The following NUP210L variants were observed in gnomAD, a reference collection of about 807,000 sequenced individuals.
The protein encoded by NUP210L is nucleoporin 210 like.
NUP210L carries 74 observed loss-of-function variants against 208.5 expected under a neutral mutation model. That is an observed-to-expected ratio of 0.35 (90% CI 0.29 to 0.43). The LOEUF is 0.43. Among genes scored for constraint, NUP210L ranks in the 20% least tolerant of loss-of-function variants. The probability of loss-of-function intolerance (pLI) is 1.00; values close to 1 mark genes in which losing one functional copy is unlikely to be tolerated. For missense variants in NUP210L, 1,843 were observed against 2,289.4 expected, an observed-to-expected ratio of 0.81 and a Z score of 3.98; for synonymous variants, 780 against 816.9, an observed-to-expected ratio of 0.95 and a Z score of 0.77.
At chr1:154,126,507 T>C (rs1657988505) in intron 9 of NUP210L, 44 bp from the exon 10 acceptor site, 1 of 1,546,616 alleles carries the variant, frequency 6.5e-7, no homozygotes, top group East Asian at 2.3e-5. Context: ...AGATATGTTC[T>C]TTCCCTGAAG....
rs755830745 is a variant in NUP210L, at chr1:154,008,491, G to T, written c.4930+1481C>A. ...TGGGATGCTGAGGCAGGCGGATCAC[G>T]AGGTCAGGAGTTCGAGACCAGCCTG... On this transcript the variant is annotated intron_variant, in intron 35 of 39. Transcript: ENST00000368559. Among the ~76,000 whole-genome samples the T allele has an allele frequency of 1.4e-4, 22 of 152,086 alleles. 1 individual carries two copies. Among genetic ancestry groups the T allele is most frequent in the Admixed American group, 1.4e-3 (22 of 15,248 alleles).
At chr1:154,096,690 T>C (rs754769685) in intron 14 of NUP210L, among the ~76,000 whole-genome samples, 1 of 148,856 alleles carries the variant, frequency 6.7e-6, no homozygotes, top group Non-Finnish European at 1.5e-5. Flanking sequence ...GAGGCAGAGG[T>C]TGCAGTGAAC....
chr1:154,127,341 A>G (rs1327788106), exon 9 of NUP210L: 2 of 1,600,850 alleles, frequency 1.2e-6, no homozygotes, highest in East Asian at 2.2e-5. Flanking sequence ...TGCTGCTTTT[A>G]TCAAAGACGT....
At chr1:154,150,258 C>T (rs1558012139) in intron 2 of NUP210L, among the ~76,000 whole-genome samples, 1 of 152,156 alleles carries the variant, frequency 6.6e-6, no homozygotes, top group Non-Finnish European at 1.5e-5. Context: ...TCTGTAATCC[C>T]AGCTACTCGG....
intron 34 of NUP210L, among the ~76,000 whole-genome samples, chr1:154,011,601 G>A (rs949945210): frequency 1.4e-5 from 2 of 147,222 alleles, no homozygotes; most frequent in African/African-American, 5.0e-5. Flanking sequence ...GGCCTCAAGC[G>A]ATCCTCCCAC....
At chr1:153,997,183 C>T (rs539863551) in intron 37 of NUP210L, among the ~76,000 whole-genome samples, 44 of 151,742 alleles carry the variant, frequency 2.9e-4, no homozygotes, top group African/African-American at 9.7e-4. Flanking sequence ...AGGATGGTCT[C>T]GAACTCCTCA....
intron 19 of NUP210L, 110 bp from the exon 20 acceptor site, chr1:154,060,751 G>A: frequency 1.2e-6 from 1 of 823,014 alleles, no homozygotes; most frequent in South Asian, 1.7e-5. Context: ...AGATTAAAGT[G>A]AATAGACAAA....
rs554864802 is a variant in NUP210L, at chr1:154,036,100, T to G, written c.3697-6046A>C. Among the ~76,000 whole-genome samples the G allele has an allele frequency of 7.2e-5, 11 of 152,242 alleles. No individual in the cohort carries two copies. In the South Asian group the frequency reaches 2.3e-3, roughly 31 times the overall value. ...GTTTTGTTGTGTTTCCATTTTCATT[T>G]GTTTCAAGAAATTTAAATTCTTAAT... On this transcript the variant is annotated intron_variant, in intron 27 of 39. Transcript: ENST00000368559.
At chr1:154,095,037 C>T (rs1050732640) in exon 15 of NUP210L, 10 of 1,613,984 alleles carry the variant, frequency 6.2e-6, no homozygotes, top group African/African-American at 5.3e-5. Context: ...CTGTCTTCTC[C>T]GCATTCAATT....
Position 154,145,742 on chromosome 1 carries a change from A to G in NUP210L, c.341-2165T>C, listed in dbSNP as rs78554717. On this transcript the variant is annotated intron_variant, in intron 2 of 39. Transcript: ENST00000368559. Reference sequence around the variant, plus strand: ...CAAGATTAGAATTGAAGATATCAGTATGAGCTCATGTTTATTTTAATATCT... The same window carrying G: ...CAAGATTAGAATTGAAGATATCAGTGTGAGCTCATGTTTATTTTAATATCT... Among the ~76,000 whole-genome samples, 807 of 152,256 alleles carry G rather than the reference A, an allele frequency of 5.3e-3. 11 individuals are homozygous for G. Among genetic ancestry groups the G allele is most frequent in the African/African-American group, 0.018 (761 of 41,568 alleles).
chr1:154,051,499 C>G (rs760064082), intron 25 of NUP210L, among the ~76,000 whole-genome samples: 1 of 152,172 alleles, frequency 6.6e-6, no homozygotes, highest in African/African-American at 2.4e-5. Flanking sequence ...CAGGTGTGAG[C>G]CACTGTGCCT....
chr1:154,141,460 T>A, exon 4 of NUP210L: 1 of 1,611,690 alleles, frequency 6.2e-7, no homozygotes, highest in Non-Finnish European at 8.5e-7. Flanking sequence ...CTTCTCTTGC[T>A]GACTCGTTGT....
At chr1:154,072,327 CTTTTTT>C (rs1213732819) in intron 16 of NUP210L, among the ~76,000 whole-genome samples, 3 of 80,248 alleles carry the variant, frequency 3.7e-5, no homozygotes, top group Non-Finnish European at 4.9e-5. Context: ...ATGGCCATTC[CTTTTTT>C]TTTTTTTTTT....
At chr1:154,152,418 C>T (rs1288836338) in intron 2 of NUP210L, among the ~76,000 whole-genome samples, 1 of 151,938 alleles carries the variant, frequency 6.6e-6, no homozygotes, top group Non-Finnish European at 1.5e-5. Context: ...AGGTGATCCA[C>T]CCACCTCGGC....
intron 17 of NUP210L, among the ~76,000 whole-genome samples, chr1:154,065,180 G>A (rs1258706415): frequency 6.6e-6 from 1 of 151,856 alleles, no homozygotes; most frequent in Non-Finnish European, 1.5e-5. Context: ...AGCACTTTGA[G>A]AGGCTGAGGT....
intron 12 of NUP210L, among the ~76,000 whole-genome samples, chr1:154,105,034 T>C (rs1186383227): frequency 6.6e-6 from 1 of 152,110 alleles, no homozygotes; most frequent in Non-Finnish European, 1.5e-5. Flanking sequence ...ACTCGGATAA[T>C]AGCTCAGCCA....
At chr1:154,118,070 A>T (rs1481915619) in intron 11 of NUP210L, among the ~76,000 whole-genome samples, 190 bp from the exon 12 acceptor site, 1 of 152,144 alleles carries the variant, frequency 6.6e-6, no homozygotes, top group Non-Finnish European at 1.5e-5. Context: ...AGCACTTTGG[A>T]AGGCCAAGGT....
intron 16 of NUP210L, among the ~76,000 whole-genome samples, chr1:154,081,909 G>A (rs1013231709): frequency 1.2e-4 from 19 of 152,124 alleles, no homozygotes; most frequent in African/African-American, 4.6e-4. Context: ...CTTAAGCCCA[G>A]GAAGTGAGGC....
At chr1:154,098,602 T>C (rs898665465) in intron 14 of NUP210L, among the ~76,000 whole-genome samples, 1 of 152,128 alleles carries the variant, frequency 6.6e-6, no homozygotes, top group Non-Finnish European at 1.5e-5. Context: ...GTAGCTCCTC[T>C]CTGCAGCTGG....
Sources: gnomAD v4.1 joint callset for allele counts (sites outside exome capture counted in the v4.1 genomes callset) on GRCh38, gnomAD v4.1.1 for gene constraint, MANE v1.5 for transcripts, NCBI Gene and HGNC (gene_info 2026-07-23, HGNC 2026-07-21) for gene names.